Variants in RCOR3 observed in about 807,000 individuals in gnomAD.
RCOR3 encodes REST corepressor 3.
A neutral mutation model predicts 64.1 loss-of-function variants in RCOR3; 13 were observed. The ratio of observed to expected loss-of-function variants is 0.20; its 90% confidence interval spans 0.13 to 0.32. The LOEUF (loss-of-function observed/expected upper bound fraction) is 0.32. Among genes scored for constraint, RCOR3 ranks in the 10% least tolerant of loss-of-function variants. The pLI, the probability that RCOR3 is intolerant of heterozygous loss-of-function variation, is 1.00. For missense variants in RCOR3, 489 were observed against 701.2 expected (o/e 0.70, Z 3.42); for synonymous variants, 215 against 239.0 (o/e 0.90, Z 0.93).
intron 2 of RCOR3, among the ~76,000 whole-genome samples, chr1:211,260,745 G>A (rs1694112183): frequency 6.6e-6 from 1 of 152,098 alleles, no homozygotes; most frequent in Admixed American, 6.5e-5. Flanking sequence ...AGAGAAAGGG[G>A]TGGGGGAAGG....
chr1:211,260,082 A>T, intron 1 of RCOR3, 26 bp from the exon 2 acceptor site: 1 of 1,559,152 alleles, frequency 6.4e-7, no homozygotes, highest in Admixed American at 1.9e-5. Context: ...TATTTTTTAT[A>T]TATATTTTTT....
intron 7 of RCOR3, among the ~76,000 whole-genome samples, chr1:211,287,606 G>GT (rs1362602938): frequency 6.6e-6 from 1 of 152,182 alleles, no homozygotes; most frequent in Non-Finnish European, 1.5e-5. Flanking sequence ...TTTTTAGTGG[G>GT]TGCAGTGGCT....
At chr1:211,297,732 T>A (rs1466463243) in intron 9 of RCOR3, among the ~76,000 whole-genome samples, 1 of 152,024 alleles carries the variant, frequency 6.6e-6, no homozygotes, top group Non-Finnish European at 1.5e-5. Context: ...ATCTAGAGAG[T>A]CCTCAGGATA....
At chr1:211,309,651 T>C (rs1701289431) in intron 10 of RCOR3, among the ~76,000 whole-genome samples, 1 of 152,230 alleles carries the variant, frequency 6.6e-6, no homozygotes, top group Admixed American at 6.5e-5. Context: ...GCATACCTTT[T>C]ACATCTTCAG....
intron 7 of RCOR3, among the ~76,000 whole-genome samples, chr1:211,284,239 G>C (rs940664483): frequency 2.0e-5 from 3 of 151,186 alleles, no homozygotes; most frequent in African/African-American, 7.3e-5. Context: ...TTGTTTGTTT[G>C]TTTGTTTGTT....
Position 211,314,460 on chromosome 1 carries a change from T to A in RCOR3, c.*692T>A, listed in dbSNP as rs1443116738. The A allele has an allele frequency of 6.6e-6, 1 of 152,070 alleles. No individual in the cohort carries two copies. The highest frequency in any genetic ancestry group is 1.9e-4 in the East Asian group (1 of 5,200). 9.4% of individuals were successfully genotyped at this position (152,070 alleles called of 1,614,324 possible). ...TAACCCTTTAACATACAGTTTAGGG[T>A]CCTAGCGCAGAGTCCTTGTTTAAAG... On this transcript the variant is annotated 3_prime_UTR_variant, in exon 12 of 12. Transcript: ENST00000419091.
Position 211,289,295 on chromosome 1 carries a change from T to C in RCOR3, c.838T>C (p.Tyr280His), listed in dbSNP as rs1230097757. 6.2e-7 allele frequency: 1 copy of C among 1,614,148 alleles called. No homozygotes were observed. Among genetic ancestry groups the C allele is most frequent in the South Asian group, 1.1e-5 (1 of 91,084 alleles). Residue 280 changes from tyrosine (Y) to histidine (H), a missense_variant, in exon 8 of 12, where the codon TAT (tyrosine) becomes CAT (histidine). Tyr to His is a moderately conservative substitution (Grantham distance 83). This residue lies in a region of RCOR3 where 402 missense variants were observed against 617.0 expected (regional missense o/e 0.65). Transcript: ENST00000419091. The part of the protein sequence containing the change: ...RSKCRPPKGM[Y>H]LTQEDVVAVS... ...TAAGTGCCGTCCACCTAAGGGCATG[T>C]ATTTAACCCAGGAAGATGTGGTAGC...
intron 2 of RCOR3, among the ~76,000 whole-genome samples, chr1:211,260,519 G>T (rs1311764548): frequency 6.6e-6 from 1 of 152,220 alleles, no homozygotes; most frequent in Non-Finnish European, 1.5e-5. Flanking sequence ...CTGTATGGAC[G>T]AACCGTGCAA....
At chr1:211,286,044 C>T (rs1405667328) in intron 7 of RCOR3, among the ~76,000 whole-genome samples, 2 of 152,152 alleles carry the variant, frequency 1.3e-5, no homozygotes, top group African/African-American at 4.8e-5. Context: ...TTCAACATTT[C>T]TGTGTCCTCA....
chr1:211,265,151 G>A (rs1324965154), intron 2 of RCOR3, among the ~76,000 whole-genome samples: 2 of 152,024 alleles, frequency 1.3e-5, no homozygotes, highest in Admixed American at 6.5e-5. Context: ...ATTTTTAGTC[G>A]ACATCTGTTA....
At chr1:211,260,304 A>G in intron 2 of RCOR3, 140 bp downstream of exon 2, 2 of 713,544 alleles carry the variant, frequency 2.8e-6, no homozygotes, top group East Asian at 2.7e-5. Flanking sequence ...GGAGGCTGTC[A>G]GGCTTGGCCG....
At chr1:211,269,276 C>T (rs1695756763) in intron 2 of RCOR3, among the ~76,000 whole-genome samples, 1 of 151,902 alleles carries the variant, frequency 6.6e-6, no homozygotes, top group African/African-American at 2.4e-5. Context: ...CTAGCCTGAC[C>T]AACATGGAGA....
chr1:211,293,535 A>G (rs1241006548), intron 8 of RCOR3, among the ~76,000 whole-genome samples: 3 of 152,098 alleles, frequency 2.0e-5, no homozygotes, highest in Non-Finnish European at 2.9e-5. Flanking sequence ...TTTTCTTTGG[A>G]ACACTTTCCC....
intron 10 of RCOR3, among the ~76,000 whole-genome samples, chr1:211,306,480 A>C (rs1488135633): frequency 6.6e-6 from 1 of 152,168 alleles, no homozygotes; most frequent in Non-Finnish European, 1.5e-5. Context: ...GACATTTTAC[A>C]CATATATTTC....
intron 2 of RCOR3, among the ~76,000 whole-genome samples, chr1:211,268,922 G>T (rs1358166870): frequency 6.6e-6 from 1 of 151,856 alleles, no homozygotes; most frequent in East Asian, 1.9e-4. Context: ...ACTAAAATTT[G>T]TTGATCAGTA....
rs1345128607 is a variant in RCOR3 at position 211,268,624 on chromosome 1, A to T, written c.224-2608A>T. Among the ~76,000 whole-genome samples, 3 of 151,750 alleles carry T rather than the reference A, an allele frequency of 2.0e-5. No individual in the cohort carries two copies. In the East Asian group the frequency reaches 5.8e-4, roughly 29 times the overall value. On this transcript the variant is annotated intron_variant, in intron 2 of 11. Transcript: ENST00000419091. ...ACTCCCGACCTCAGGTGATCCGTCC[A>T]CCTCGGCCTCTCAAAGTGCTGGGAT...
intron 10 of RCOR3, 49 bp downstream of exon 10, chr1:211,304,189 C>A: frequency 7.3e-7 from 1 of 1,361,274 alleles, no homozygotes; most frequent in South Asian, 1.4e-5. Context: ...TTTAATTTGT[C>A]ATGAAAGGTG....
intron 8 of RCOR3, among the ~76,000 whole-genome samples, chr1:211,289,820 G>GT (rs1438680686): frequency 6.6e-6 from 1 of 152,230 alleles, no homozygotes; most frequent in East Asian, 1.9e-4. Flanking sequence ...TAGTAGTATT[G>GT]TAAGGGCAGC....
chr1:211,270,938 T>C lies in RCOR3; in HGVS notation c.224-294T>C, dbSNP rs1426539104. Among the ~76,000 whole-genome samples, 3 of 151,594 alleles carry C rather than the reference T, an allele frequency of 2.0e-5. No homozygotes were observed. In the East Asian group the frequency reaches 5.8e-4, roughly 29 times the overall value. On this transcript the variant is annotated intron_variant, in intron 2 of 11. Transcript: ENST00000419091. ...TGGCGCATCTCAGCTCACTGCAAGC[T>C]CCGCCTCCCGGGTTCACGCCATTCT...
Sources: gnomAD v4.1 joint callset for allele counts (sites outside exome capture counted in the v4.1 genomes callset) on GRCh38, gnomAD v4.1.1 for gene constraint, gnomAD v4.1.1 regional missense constraint, MANE v1.5 for transcripts, NCBI Gene and HGNC (gene_info 2026-07-23, HGNC 2026-07-21) for gene names.